FAM13C: variants seen among roughly 807,000 people sequenced by gnomAD.
The protein encoded by FAM13C is family with sequence similarity 13 member C, also known as protein FAM13C.
FAM13C carries 37 observed loss-of-function variants against 73.2 expected under a neutral mutation model. The ratio of observed to expected loss-of-function variants is 0.51; its 90% confidence interval spans 0.39 to 0.67. FAM13C has a LOEUF of 0.67. Ranked by LOEUF, FAM13C falls within the 30% of genes least tolerant of loss-of-function variation. The probability of loss-of-function intolerance (pLI) is 0.00; values close to 1 mark genes in which losing one functional copy is unlikely to be tolerated. For synonymous variants in FAM13C, 246 were observed against 260.9 expected (o/e 0.94, Z 0.55); for missense variants, 589 against 715.6 (o/e 0.82, Z 2.02).
intron 3 of FAM13C, among the ~76,000 whole-genome samples, chr10:59,333,696 TTCTCAAGC>T (rs1453244727): frequency 6.6e-6 from 1 of 151,618 alleles, no homozygotes; most frequent in Admixed American, 6.6e-5. Context: ...AGTGTTTCAT[TTCTCAAGC>T]TCCCTTGTTT....
intron 6 of FAM13C, among the ~76,000 whole-genome samples, chr10:59,279,454 G>A (rs1261742578): frequency 1.3e-5 from 2 of 152,170 alleles, no homozygotes; most frequent in East Asian, 3.9e-4. Flanking sequence ...AGTTCAATTT[G>A]AAGATCAAGA....
intron 2 of FAM13C, among the ~76,000 whole-genome samples, chr10:59,353,232 C>A (rs138445549): frequency 6.5e-4 from 99 of 152,256 alleles, no homozygotes; most frequent in African/African-American, 2.1e-3. Flanking sequence ...ATCCCTACCC[C>A]CCTCCAGTTA....
intron 3 of FAM13C, chr10:59,327,784 G>A (rs1462862500): frequency 6.6e-6 from 1 of 152,130 alleles, no homozygotes; most frequent in African/African-American, 2.4e-5. Context: ...TTATAGTTGA[G>A]AGGGTTATAG....
At chr10:59,276,069 T>C (rs1325503836) in intron 6 of FAM13C, among the ~76,000 whole-genome samples, 3 of 152,204 alleles carry the variant, frequency 2.0e-5, no homozygotes, top group Non-Finnish European at 4.4e-5. Context: ...CTGGCCAAGT[T>C]ATGTCATAGG....
At chr10:59,359,642 AT>A in intron 1 of FAM13C, among the ~76,000 whole-genome samples, 1 of 152,208 alleles carries the variant, frequency 6.6e-6, no homozygotes, top group East Asian at 1.9e-4. Flanking sequence ...AGGAATGTGG[AT>A]TTTTAAAACA....
At chr10:59,255,088 G>A (rs1841825462) in intron 10 of FAM13C, among the ~76,000 whole-genome samples, 1 of 152,128 alleles carries the variant, frequency 6.6e-6, no homozygotes, top group Non-Finnish European at 1.5e-5. Flanking sequence ...TCTGAAACAT[G>A]TATTTTATCT....
Position 59,247,562 on chromosome 10 carries a change from A to G in FAM13C, c.*52T>C, listed in dbSNP as rs1189967077. On this transcript the variant is annotated 3_prime_UTR_variant, in exon 14 of 14. Transcript: ENST00000618804. ...TACTTAGCAAGGATGGCAGAGGAAA[A>G]TAAACTTTACTTTATATCATGGGTG... 47 of 1,609,670 alleles carry G rather than the reference A, an allele frequency of 2.9e-5. No homozygotes were observed. The highest frequency in any genetic ancestry group is 3.9e-5 in the Non-Finnish European group (46 of 1,178,254).
At chr10:59,304,942 C>T (rs1179641525) in intron 4 of FAM13C, among the ~76,000 whole-genome samples, 2 of 151,926 alleles carry the variant, frequency 1.3e-5, no homozygotes, top group African/African-American at 4.8e-5. Flanking sequence ...TGCTTCCTCT[C>T]TCACCATGTG....
At chr10:59,290,646 G>A (rs1240051323) in intron 5 of FAM13C, among the ~76,000 whole-genome samples, 2 of 152,182 alleles carry the variant, frequency 1.3e-5, no homozygotes, top group South Asian at 2.1e-4. Context: ...CTCAGCAGGG[G>A]GCCCCCTAGT....
At chr10:59,345,643 A>G (rs1854200124) in intron 3 of FAM13C, among the ~76,000 whole-genome samples, 1 of 152,240 alleles carries the variant, frequency 6.6e-6, no homozygotes, top group African/African-American at 2.4e-5. Flanking sequence ...ACAGGAAACC[A>G]GTAAACCCAA....
rs926020924 is a variant in FAM13C, at chr10:59,355,241, C to A, written c.119+646G>T. On this transcript the variant is annotated intron_variant, in intron 2 of 13. Coordinates refer to ENST00000618804, the MANE Select transcript of FAM13C (RefSeq NM_198215.4). ...TGGTTTGTCTTTCTTCATCCCAAAT[C>A]TTAACTGGCTGGCTCCTTGCCCACA... Among the ~76,000 whole-genome samples, 4 of 152,084 alleles carry A rather than the reference C, an allele frequency of 2.6e-5. No individual in the cohort carries two copies. The South Asian group carries it at 8.3e-4, about 32-fold the overall frequency.
intron 6 of FAM13C, 35 bp from the exon 7 acceptor site, chr10:59,270,144 G>A: frequency 1.3e-6 from 2 of 1,592,378 alleles, no homozygotes; most frequent in Admixed American, 1.7e-5. Flanking sequence ...AGACTTAGAA[G>A]TGACAGAGGG....
chr10:59,262,403 G>T, intron 10 of FAM13C, 31 bp downstream of exon 10: 2 of 1,586,520 alleles, frequency 1.3e-6, no homozygotes, highest in South Asian at 2.2e-5. Flanking sequence ...GACTACAGGG[G>T]CCCTCTATAT....
chr10:59,268,781 G>T (rs1018787773), intron 7 of FAM13C, 90 bp from the exon 8 acceptor site: 5 of 1,464,138 alleles, frequency 3.4e-6, no homozygotes, highest in Middle Eastern at 2.5e-4. Context: ...TTCCTGGATT[G>T]TCAGAGAAGT....
At chr10:59,362,571 T>C (rs1856549020), upstream of FAM13C, 2 of 1,545,678 alleles carry the variant, frequency 1.3e-6, no homozygotes, top group Non-Finnish European at 1.7e-6. Flanking sequence ...GCACGCTCGC[T>C]CTACCTTGGG....
chr10:59,250,347 T>C (rs1177044333), intron 13 of FAM13C, among the ~76,000 whole-genome samples: 2 of 152,204 alleles, frequency 1.3e-5, no homozygotes, highest in Non-Finnish European at 2.9e-5. Context: ...TGCTTTATAT[T>C]CTAAATTTAT....
At chr10:59,332,942 A>T (rs1446526970) in intron 3 of FAM13C, among the ~76,000 whole-genome samples, 1 of 152,216 alleles carries the variant, frequency 6.6e-6, no homozygotes, top group Non-Finnish European at 1.5e-5. Flanking sequence ...TATTAAAAAT[A>T]GGAAATGCTA....
chr10:59,263,739 G>A (rs1842748122), intron 9 of FAM13C: 3 of 275,670 alleles, frequency 1.1e-5, no homozygotes, highest in Admixed American at 4.3e-5. Context: ...ATGCACTGAA[G>A]TGTGTGGAGT....
At chr10:59,261,967 C>A (rs1842547454) in intron 10 of FAM13C, among the ~76,000 whole-genome samples, 1 of 152,080 alleles carries the variant, frequency 6.6e-6, no homozygotes, top group Non-Finnish European at 1.5e-5. Flanking sequence ...TTCAACTTAA[C>A]TCTCCCAAAA....
Sources: allele counts gnomAD v4.1 joint callset (sites outside exome capture counted in the v4.1 genomes callset), GRCh38; gene constraint gnomAD v4.1.1; transcripts MANE v1.5; gene names NCBI Gene and HGNC (gene_info 2026-07-23, HGNC 2026-07-21).